Variants in SSR1 observed in about 807,000 individuals in gnomAD.
SSR1 encodes the protein translocon-associated protein subunit alpha.
In SSR1, 13 loss-of-function variants were observed where a neutral mutation model predicts 36.1. The observed-to-expected ratio is 0.36, with a 90% CI of 0.23 to 0.57. SSR1 has a LOEUF of 0.57. SSR1 is among the 20% of genes least tolerant of loss of function. The pLI is 0.81. For synonymous variants in SSR1, 113 were observed against 118.9 expected, an observed-to-expected ratio of 0.95 and a Z score of 0.32; for missense variants, 291 against 338.5, an observed-to-expected ratio of 0.86 and a Z score of 1.10.
chr6:7,300,261 T>C (rs1757904867), intron 4 of SSR1, among the ~76,000 whole-genome samples: 1 of 152,164 alleles, frequency 6.6e-6, no homozygotes, highest in African/African-American at 2.4e-5. Flanking sequence ...AATGAAAAGG[T>C]TGAATTAGCT....
chr6:7,291,337 G>A (rs910999610), intron 7 of SSR1, among the ~76,000 whole-genome samples: 2 of 152,112 alleles, frequency 1.3e-5, no homozygotes, highest in Non-Finnish European at 2.9e-5. Context: ...GCCGGAGGTT[G>A]CAGTGAGCCG....
intron 3 of SSR1, 91 bp from the exon 4 acceptor site, chr6:7,301,663 T>C: frequency 7.4e-7 from 1 of 1,346,988 alleles, no homozygotes. Context: ...CTGGCACCCT[T>C]TCCTGTGGAC....
rs2068946 is a variant in SSR1 at position 7,282,746 on chromosome 6, C to G, written c.*7118G>C. ...ACTGCTGTGTCTGCAGGCTCAGCCT[C>G]CTCTAGATCTGATTCCCACAGTGGA... On this transcript the variant is annotated 3_prime_UTR_variant, in exon 8 of 8. Coordinates refer to ENST00000244763, the MANE Select transcript of SSR1 (RefSeq NM_003144.5). 0.77 allele frequency: 117,774 copies of G among 152,256 alleles called. 46,038 individuals are homozygous for G. The highest frequency in any genetic ancestry group is 0.89 in the African/African-American group (36,946 of 41,570). The allele number at this position is 152,256 out of a possible 1,614,324, so 9.4% of individuals were successfully genotyped here.
intron 7 of SSR1, among the ~76,000 whole-genome samples, chr6:7,290,649 T>C (rs1581626362): frequency 6.6e-6 from 1 of 152,226 alleles, no homozygotes; most frequent in South Asian, 2.1e-4. Flanking sequence ...TTGATTTTGA[T>C]TGATTTTGCA....
intron 7 of SSR1, among the ~76,000 whole-genome samples, chr6:7,293,653 A>C (rs1757731729): frequency 6.6e-6 from 1 of 152,088 alleles, no homozygotes; most frequent in African/African-American, 2.4e-5. Flanking sequence ...GGCTCAGGCG[A>C]TCCTCCTGCC....
intron 1 of SSR1, 94 bp downstream of exon 1, chr6:7,312,948 C>A (rs1229343790): frequency 7.7e-6 from 10 of 1,292,396 alleles, no homozygotes; most frequent in Non-Finnish European, 1.1e-5. Context: ...ACGCGGACCC[C>A]AGGACCCGGA....
Position 7,301,445 on chromosome 6 carries a change from A to G in SSR1, c.408T>C (p.Asn136=). The G allele has an allele frequency of 6.2e-7, 1 of 1,614,164 alleles. No homozygotes were observed. Among genetic ancestry groups the G allele is most frequent in the Non-Finnish European group, 8.5e-7 (1 of 1,180,030 alleles). ...CAGTGTTCAGAGGAAGAGCTGTGAA[A>G]TTCTGGATATAAAACTGGTAGTCCT... is the stretch of plus-strand genomic sequence containing the variant. ...YPQDYQFYIQ[N]FTALPLNTVV... is the part of the protein sequence containing the mutation. The change falls in exon 4 of 8, where the codon AAT becomes AAC. Residue 136 remains asparagine (N), a synonymous_variant. Coordinates refer to ENST00000244763, the MANE Select transcript of SSR1 (RefSeq NM_003144.5).
In SSR1 at chr6:7,301,524, T is replaced by G. The variant is rs1183719803; in HGVS notation, c.329A>C (p.Lys110Thr). Reference sequence around the variant, plus strand: ...TTCAACAATAAAATCTTCTGTACCCTTGTTGGTAAAGCCTACCAGGAACTT... The same window carrying G: ...TTCAACAATAAAATCTTCTGTACCCGTGTTGGTAAAGCCTACCAGGAACTT... ...IVKFLVGFTN[K>T]GTEDFIVESL... The change falls in exon 4 of 8, where the codon AAG (lysine) becomes ACG (threonine). Residue 110 changes from lysine to threonine, a missense_variant. Physicochemically the swap from Lys to Thr is moderately conservative, Grantham distance 78. Transcript: ENST00000244763. 9.3e-6 allele frequency: 15 copies of G among 1,613,782 alleles called. No individual in the cohort carries two copies. Among genetic ancestry groups the G allele is most frequent in the Non-Finnish European group, 1.2e-5 (14 of 1,179,992 alleles).
chr6:7,309,228 G>A (rs1054946888), intron 2 of SSR1, among the ~76,000 whole-genome samples: 2 of 152,206 alleles, frequency 1.3e-5, no homozygotes, highest in African/African-American at 4.8e-5. Context: ...TCCGAGGCAT[G>A]AGGATCATCA....
At chr6:7,294,745 T>C (rs1003446519) in intron 7 of SSR1, among the ~76,000 whole-genome samples, 10 of 152,164 alleles carry the variant, frequency 6.6e-5, no homozygotes, top group Non-Finnish European at 1.3e-4. Flanking sequence ...GGAATTGACT[T>C]ATTTTTTTCA....
rs1373837551 is a variant in SSR1, at chr6:7,284,310, C to T, written c.*5554G>A. 6.6e-6 allele frequency: 1 copy of T among 152,152 alleles called. No homozygotes were observed. The highest frequency in any genetic ancestry group is 2.4e-5 in the African/African-American group (1 of 41,446). 9.4% of individuals were successfully genotyped at this position (152,152 alleles called of 1,614,324 possible). A position where few individuals can be genotyped will look rare whatever the true frequency, so the allele number is the denominator to read the frequency against. Reference sequence around the variant, plus strand: ...TAAGAGATTTATTACAAAACAAAAACTCCCCTTGCCAGCCTTATTACTCTG... The same window carrying T: ...TAAGAGATTTATTACAAAACAAAAATTCCCCTTGCCAGCCTTATTACTCTG... On this transcript the variant is annotated 3_prime_UTR_variant, in exon 8 of 8. Coordinates refer to ENST00000244763, the MANE Select transcript of SSR1 (RefSeq NM_003144.5).
Position 7,298,768 on chromosome 6 carries a change from T to C in SSR1, c.599A>G (p.Glu200Gly), listed in dbSNP as rs1757859280. Residue 200 changes from glutamate (E) to glycine (G), a missense_variant, in exon 5 of 8, where the codon GAG becomes GGG. Coordinates refer to ENST00000244763, the MANE Select transcript of SSR1 (RefSeq NM_003144.5). ...FNQTVTVIER[E>G]DGLDGETIFM... ...TTACGTTTCTCCATCTAACCCATCCTCTCTTTCAATAACTGTAACTGTTTG... is the reference window on the plus strand; with the variant it reads ...TTACGTTTCTCCATCTAACCCATCCCCTCTTTCAATAACTGTAACTGTTTG... 1 of 1,613,342 alleles carries C rather than the reference T, an allele frequency of 6.2e-7. No individual in the cohort carries two copies. Among genetic ancestry groups the C allele is most frequent in the Non-Finnish European group, 8.5e-7 (1 of 1,179,692 alleles).
At chr6:7,310,980 G>A (rs973817011) in intron 1 of SSR1, among the ~76,000 whole-genome samples, 7 of 152,230 alleles carry the variant, frequency 4.6e-5, no homozygotes, top group African/African-American at 1.7e-4. Flanking sequence ...ACTGTTATCA[G>A]AGGTGACTAC....
At chr6:7,304,433 G>C (rs1355471534) in intron 2 of SSR1, among the ~76,000 whole-genome samples, 2 of 151,942 alleles carry the variant, frequency 1.3e-5, no homozygotes, top group Non-Finnish European at 2.9e-5. Context: ...CTGCTCTCAA[G>C]TACCTTGTTA....
At position 7,289,399 on chromosome 6, in the gene SSR1, A is replaced by C. The variant is rs1469415920; in HGVS notation, c.*465T>G. ...ATTGTAATACAGTAACAACAACAAA[A>C]TGCTGATTTGTGCCATCAATTGAAA... On this transcript the variant is annotated 3_prime_UTR_variant, in exon 8 of 8. Transcript: ENST00000244763. 1 of 157,286 alleles carries C rather than the reference A, an allele frequency of 6.4e-6. No individual in the cohort carries two copies. Among genetic ancestry groups the C allele is most frequent in the Non-Finnish European group, 1.4e-5 (1 of 71,542 alleles). 9.7% of individuals were successfully genotyped at this position (157,286 alleles called of 1,614,324 possible).
At position 7,312,452 on chromosome 6, in the gene SSR1, C is replaced by A. The variant is rs566281734; in HGVS notation, c.79+590G>T. 2.8e-4 allele frequency among the ~76,000 whole-genome samples: 43 copies of A among 152,312 alleles called. 1 individual carries two copies. The highest frequency in any genetic ancestry group is 5.6e-4 in the Non-Finnish European group (38 of 68,034). ...CGGGGGTGACGATGGGGTAGTTTTT[C>A]TGAAATCAAGCCTCCTAGTAACACA... On this transcript the variant is annotated intron_variant, in intron 1 of 7. Transcript: ENST00000244763.
chr6:7,293,047 A>C (rs1415496169), intron 7 of SSR1, among the ~76,000 whole-genome samples: 1 of 151,740 alleles, frequency 6.6e-6, no homozygotes, highest in African/African-American at 2.4e-5. Flanking sequence ...TTCCAGGACT[A>C]CTCCCCCACG....
At chr6:7,306,012 G>A (rs115345122) in intron 2 of SSR1, among the ~76,000 whole-genome samples, 28 of 152,356 alleles carry the variant, frequency 1.8e-4, no homozygotes, top group African/African-American at 6.7e-4. Context: ...GAAACTGGTG[G>A]TACTGCTTGC....
intron 2 of SSR1, among the ~76,000 whole-genome samples, chr6:7,306,473 TTAC>T (rs1321139177): frequency 6.6e-6 from 1 of 152,104 alleles, no homozygotes; most frequent in East Asian, 1.9e-4. Context: ...GTTAGTGTTA[TTAC>T]TACTACAGCT....
Sources: allele counts gnomAD v4.1 joint callset (sites outside exome capture counted in the v4.1 genomes callset), GRCh38; gene constraint gnomAD v4.1.1; transcripts MANE v1.5; gene names NCBI Gene and HGNC (gene_info 2026-07-23, HGNC 2026-07-21).